Variants in FKBP6 observed in about 807,000 individuals in gnomAD.
The protein encoded by FKBP6 is inactive peptidyl-prolyl cis-trans isomerase FKBP6.
A neutral mutation model predicts 41.7 loss-of-function variants in FKBP6; 29 were observed. The ratio of observed to expected loss-of-function variants is 0.70; its 90% CI spans 0.52 to 0.95. The LOEUF (loss-of-function observed/expected upper bound fraction) is 0.95. FKBP6 is among the 40% of genes least tolerant of loss of function. FKBP6 has a pLI of 0.00. For missense variants in FKBP6, 338 were observed against 408.7 expected (o/e 0.83, Z 1.49); for synonymous variants, 130 against 165.1 (o/e 0.79, Z 1.63).
intron 8 of FKBP6, among the ~76,000 whole-genome samples, chr7:73,346,738 G>A (rs1417204300): frequency 6.6e-6 from 1 of 152,222 alleles, no homozygotes; most frequent in African/African-American, 2.4e-5. Flanking sequence ...GAGCGGAAGG[G>A]TGGCAGGAGT....
In FKBP6 at chr7:73,328,710, T is replaced by C. The variant is rs782306134; in HGVS notation, c.175+18T>C. The C allele has an allele frequency of 6.2e-7, 1 of 1,611,930 alleles. No individual in the cohort carries two copies. The highest frequency in any genetic ancestry group is 8.5e-7 in the Non-Finnish European group (1 of 1,179,834). On this transcript the variant is annotated intron_variant, in intron 2 of 8. Transcript: ENST00000252037. ...GGTGCTAGGTACGCCCTGGGGCGGT[T>C]TGTCCTCAGGATCCATGTCATCGCA...
intron 4 of FKBP6, among the ~76,000 whole-genome samples, chr7:73,330,651 C>T (rs1041405045): frequency 2.0e-5 from 3 of 152,214 alleles, no homozygotes; most frequent in Non-Finnish European, 4.4e-5. Context: ...TGAACACTTG[C>T]TTTTCATCGT....
intron 8 of FKBP6, among the ~76,000 whole-genome samples, chr7:73,347,010 G>A (rs1173090156): frequency 2.6e-5 from 4 of 152,164 alleles, no homozygotes; most frequent in South Asian, 2.1e-4. Flanking sequence ...CATGAGGGGC[G>A]GCCAGAACTT....
At chr7:73,342,924 A>AC (rs782414431) in intron 8 of FKBP6, 25 bp downstream of exon 8, 11 of 1,520,296 alleles carry the variant, frequency 7.2e-6, no homozygotes, top group Middle Eastern at 1.7e-4. Context: ...AGGGTGGCAC[A>AC]CAGGCTTCCG....
At chr7:73,350,109 C>T (rs1211888954) in intron 8 of FKBP6, among the ~76,000 whole-genome samples, 4 of 152,146 alleles carry the variant, frequency 2.6e-5, no homozygotes, top group South Asian at 2.1e-4. Context: ...CCCTGCTGTC[C>T]GGCCACAGAC....
intron 5 of FKBP6, chr7:73,336,687 A>G: frequency 2.2e-6 from 1 of 455,158 alleles, no homozygotes; most frequent in Non-Finnish European, 4.4e-6. Context: ...TTAAACATGT[A>G]CCAGCACACC....
chr7:73,353,883 G>T (rs539283396), intron 8 of FKBP6, among the ~76,000 whole-genome samples: 4 of 152,068 alleles, frequency 2.6e-5, no homozygotes, highest in Non-Finnish European at 5.9e-5. Context: ...ACAGGCGTGC[G>T]CCACCACGCC....
intron 5 of FKBP6, among the ~76,000 whole-genome samples, chr7:73,335,391 G>T (rs1804974833): frequency 6.6e-6 from 1 of 152,180 alleles, no homozygotes; most frequent in Non-Finnish European, 1.5e-5. Flanking sequence ...TCCTCTTTCT[G>T]CCCCGTGTGT....
intron 8 of FKBP6, among the ~76,000 whole-genome samples, chr7:73,357,277 T>G (rs1459773108): frequency 7.0e-6 from 1 of 143,834 alleles, no homozygotes; most frequent in Admixed American, 6.9e-5. Context: ...TGGTTTTTTT[T>G]TTTTTTTTTT....
At chr7:73,333,286 C>A (rs193006937) in intron 5 of FKBP6, among the ~76,000 whole-genome samples, 221 of 149,598 alleles carry the variant, frequency 1.5e-3, no homozygotes, top group African/African-American at 4.2e-3. Context: ...AAAAAAAAAA[C>A]AAAACACCAC....
chr7:73,348,164 G>A (rs1252191510), intron 8 of FKBP6, among the ~76,000 whole-genome samples: 1 of 142,334 alleles, frequency 7.0e-6, no homozygotes, highest in Non-Finnish European at 1.6e-5. Context: ...CTTCTATTCT[G>A]TCTCCTTAAA....
intron 8 of FKBP6, among the ~76,000 whole-genome samples, chr7:73,343,214 G>A (rs989998795): frequency 6.6e-6 from 1 of 152,140 alleles, no homozygotes; most frequent in South Asian, 2.1e-4. Context: ...GGAGTGCAGT[G>A]GTGCGATCTC....
At chr7:73,355,272 C>T (rs559107252) in intron 8 of FKBP6, among the ~76,000 whole-genome samples, 10 of 152,196 alleles carry the variant, frequency 6.6e-5, no homozygotes, top group African/African-American at 1.4e-4. Flanking sequence ...TGTCGATCTC[C>T]GGACTTATTT....
At chr7:73,343,852 A>G (rs1490618013) in intron 8 of FKBP6, among the ~76,000 whole-genome samples, 1 of 152,258 alleles carries the variant, frequency 6.6e-6, no homozygotes. Flanking sequence ...GAACGGGCTC[A>G]TGGTGATAAA....
intron 5 of FKBP6, among the ~76,000 whole-genome samples, chr7:73,331,981 A>G (rs1804860277): frequency 6.6e-6 from 1 of 151,952 alleles, no homozygotes; most frequent in Admixed American, 6.6e-5. Context: ...CTCCTGCCTC[A>G]GCCTTCCAAG....
At chr7:73,351,310 G>A (rs553969978) in intron 8 of FKBP6, among the ~76,000 whole-genome samples, 2 of 152,190 alleles carry the variant, frequency 1.3e-5, no homozygotes, top group Admixed American at 6.5e-5. Flanking sequence ...GATTACAGGC[G>A]TGAGCCACCG....
In FKBP6 at chr7:73,341,396, G is replaced by A. The variant is rs1554549548; in HGVS notation, c.893+14G>A. Reference sequence around the variant, plus strand: ...GAAACTGGCTAGGTGAGCTGTGTTTGCAGGAGCATGAAGAGAGATGGGTGG... The same window carrying A: ...GAAACTGGCTAGGTGAGCTGTGTTTACAGGAGCATGAAGAGAGATGGGTGG... On this transcript the variant is annotated intron_variant, in intron 7 of 8. Transcript: ENST00000252037. The A allele has an allele frequency of 1.4e-6, 2 of 1,476,244 alleles. No homozygotes were observed. Among genetic ancestry groups the A allele is most frequent in the Middle Eastern group, 1.7e-4 (1 of 5,796 alleles). 91.4% of individuals were successfully genotyped at this position (1,476,244 alleles called of 1,614,324 possible). A position where few individuals can be genotyped will look rare whatever the true frequency, so the allele number is the denominator to read the frequency against.
chr7:73,342,821 A>G lies in FKBP6; in HGVS notation c.908A>G (p.Tyr303Cys), dbSNP rs373566157. 9 of 1,612,520 alleles carry G rather than the reference A, an allele frequency of 5.6e-6. No individual in the cohort carries two copies. The highest frequency in any genetic ancestry group is 3.3e-5 in the Admixed American group (2 of 60,002). Residue 303 changes from tyrosine (Y) to cysteine (C), a missense_variant, in exon 8 of 9, where the codon TAT becomes TGT. Transcript: ENST00000252037. ...LKKLASCYRD[Y>C]VDKEKEMWHR... is the part of the protein sequence containing the mutation. Reference sequence around the variant, plus strand: ...TCCCTCTCCAGCTGTTACAGGGACTATGTGGATAAAGAGAAAGAAATGTGG... The same window carrying G: ...TCCCTCTCCAGCTGTTACAGGGACTGTGTGGATAAAGAGAAAGAAATGTGG...
At chr7:73,355,129 A>G (rs1805592103) in intron 8 of FKBP6, among the ~76,000 whole-genome samples, 1 of 152,220 alleles carries the variant, frequency 6.6e-6, no homozygotes, top group Admixed American at 6.5e-5. Flanking sequence ...TCTAGTTCAC[A>G]GTCCCTGTGC....
Sources: gnomAD v4.1 joint callset for allele counts (sites outside exome capture counted in the v4.1 genomes callset) on GRCh38, gnomAD v4.1.1 for gene constraint, MANE v1.5 for transcripts, NCBI Gene and HGNC (gene_info 2026-07-23, HGNC 2026-07-21) for gene names.